The following ARF5 variants were observed in gnomAD, a reference collection of about 807,000 sequenced individuals.
ARF5 encodes ARF GTPase 5, also known as ADP-ribosylation factor 5.
ARF5 carries 10 observed loss-of-function variants against 24.8 expected under a neutral mutation model. That is an observed-to-expected ratio of 0.40 (90% confidence interval 0.25 to 0.68). The LOEUF is 0.68. Among genes scored for constraint, ARF5 ranks in the 30% least tolerant of loss-of-function variants. The pLI, the probability that ARF5 is intolerant of heterozygous loss-of-function variation, is 0.36. For missense variants in ARF5, 135 were observed against 239.2 expected (o/e 0.56, Z 2.87); for synonymous variants, 102 against 95.1 (o/e 1.07, Z -0.42).
At position 127,591,334 on chromosome 7, in the gene ARF5, C is replaced by G. The variant is rs2301566; in HGVS notation, c.*35C>G. ...GGCAGGCCCCTGATGCCCGGAAGCT[C>G]CTGCGTGCATCCCCGGGATGACCAG... On this transcript the variant is annotated 3_prime_UTR_variant, in exon 6 of 6. Transcript: ENST00000000233. 4,506 of 1,532,898 alleles carry G rather than the reference C, an allele frequency of 2.9e-3. 199 individuals are homozygous for G. The East Asian group carries it at 0.084, about 28-fold the overall frequency. The allele number at this position is 1,532,898 out of a possible 1,614,324, so 95.0% of individuals were successfully genotyped here. A position where few individuals can be genotyped will look rare whatever the true frequency, so the allele number is the denominator to read the frequency against.
intron 3 of ARF5, 36 bp from the exon 4 acceptor site, chr7:127,590,030 T>G (rs760689131): frequency 3.0e-5 from 47 of 1,571,108 alleles, no homozygotes; most frequent in Admixed American, 1.7e-5. Context: ...CAGGCAGAAG[T>G]GATTGCTTCT....
rs1794235840 is a variant in ARF5, at chr7:127,588,435, C to T, written c.-64C>T. On this transcript the variant is annotated 5_prime_UTR_variant, in exon 1 of 6. Coordinates refer to ENST00000000233, the MANE Select transcript of ARF5 (RefSeq NM_001662.4). ...CCTGCTGCTGCTGCGCCCCATCCCC[C>T]CGCGGCCGGCCAGTTCCAGCCCGCA... is the stretch of plus-strand genomic sequence containing the variant. 8.8e-7 allele frequency: 1 copy of T among 1,134,736 alleles called. No homozygotes were observed. The highest frequency in any genetic ancestry group is 1.1e-6 in the Non-Finnish European group (1 of 873,606). 70.3% of individuals were successfully genotyped at this position (1,134,736 alleles called of 1,614,324 possible). A position where few individuals can be genotyped will look rare whatever the true frequency, so the allele number is the denominator to read the frequency against.
At chr7:127,589,690 GA>G in intron 3 of ARF5, 96 bp downstream of exon 3, 2 of 976,694 alleles carry the variant, frequency 2.0e-6, no homozygotes, top group Non-Finnish European at 1.5e-6. Context: ...CCAGGCCAAG[GA>G]AAAAACCCTT....
At chr7:127,589,871 C>T (rs1192831758) in intron 3 of ARF5, 195 bp from the exon 4 acceptor site, 2 of 617,932 alleles carry the variant, frequency 3.2e-6, no homozygotes, top group Admixed American at 2.9e-5. Context: ...TAAACTACTT[C>T]CTCTTTGCAG....
At position 127,588,798 on chromosome 7, in the gene ARF5, C is replaced by T. The variant is rs973958360; in HGVS notation, c.67+233C>T. 9 of 568,052 alleles carry T rather than the reference C, an allele frequency of 1.6e-5. No homozygotes were observed. The Admixed American group carries it at 2.2e-4, about 14-fold the overall frequency. 35.2% of individuals were successfully genotyped at this position (568,052 alleles called of 1,614,324 possible). ...TGAAGCTCCCTCCGCCCCAGCCCGG[C>T]TGGTAAGAAGGGAGGATTCCGCCCT... On this transcript the variant is annotated intron_variant, in intron 1 of 5. Coordinates refer to ENST00000000233, the MANE Select transcript of ARF5 (RefSeq NM_001662.4).
Position 127,591,591 on chromosome 7 carries a change from T to C in ARF5, c.*292T>C, listed in dbSNP as rs1562954395. On this transcript the variant is annotated 3_prime_UTR_variant, in exon 6 of 6. Transcript: ENST00000000233. ...AGGGATCTGGGTTTCCTTTTTTTTT[T>C]CTGTTTTGGGTGTACTCTAGGGGCC... 3 of 380,918 alleles carry C rather than the reference T, an allele frequency of 7.9e-6. No individual in the cohort carries two copies. Among genetic ancestry groups the C allele is most frequent in the Non-Finnish European group, 1.4e-5 (3 of 211,536 alleles). The allele number at this position is 380,918 out of a possible 1,614,324, so 23.6% of individuals were successfully genotyped here.
rs1453862658 is a variant in ARF5 at position 127,588,448 on chromosome 7, G to C, written c.-51G>C. On this transcript the variant is annotated 5_prime_UTR_variant, in exon 1 of 6. Transcript: ENST00000000233. The stretch of plus-strand genomic sequence containing the variant: ...CGCCCCATCCCCCCGCGGCCGGCCA[G>C]TTCCAGCCCGCACCCCGCGTCGGTG... The C allele has an allele frequency of 1.6e-5, 21 of 1,338,348 alleles. No homozygotes were observed. Among genetic ancestry groups the C allele is most frequent in the Non-Finnish European group, 2.1e-5 (21 of 1,012,994 alleles). The allele number at this position is 1,338,348 out of a possible 1,614,324, so 82.9% of individuals were successfully genotyped here.
In ARF5 at chr7:127,591,464, C is replaced by G. The variant is rs898510483; in HGVS notation, c.*165C>G. 4.8e-6 allele frequency: 3 copies of G among 622,384 alleles called. No individual in the cohort carries two copies. Among genetic ancestry groups the G allele is most frequent in the African/African-American group, 3.8e-5 (2 of 52,052 alleles). 38.6% of individuals were successfully genotyped at this position (622,384 alleles called of 1,614,324 possible). A position where few individuals can be genotyped will look rare whatever the true frequency, so the allele number is the denominator to read the frequency against. ...CTGCATGTTCTCTCTGTTGTTGGAGCCTGGAGCCTTGCTCTCTGGGCACAG... is the reference window on the plus strand; with the variant it reads ...CTGCATGTTCTCTCTGTTGTTGGAGGCTGGAGCCTTGCTCTCTGGGCACAG... On this transcript the variant is annotated 3_prime_UTR_variant, in exon 6 of 6. Transcript: ENST00000000233.
At chr7:127,590,230 T>C in intron 4 of ARF5, 93 bp downstream of exon 4, 1 of 997,724 alleles carries the variant, frequency 1.0e-6, no homozygotes, top group Non-Finnish European at 1.6e-6. Flanking sequence ...CCAACAGGCA[T>C]TGAAGACCAG....
chr7:127,591,548 C>G lies in ARF5; in HGVS notation c.*249C>G, dbSNP rs1013798069. On this transcript the variant is annotated 3_prime_UTR_variant, in exon 6 of 6. Coordinates refer to ENST00000000233, the MANE Select transcript of ARF5 (RefSeq NM_001662.4). ...GAAGGGGCTTCCTGGCCAAGGCCCC[C>G]TCTTCCAGAGGAGGAGCAGGGATCT... 39 of 473,576 alleles carry G rather than the reference C, an allele frequency of 8.2e-5. No individual in the cohort carries two copies. The highest frequency in any genetic ancestry group is 1.2e-4 in the Admixed American group (3 of 24,496). 29.3% of individuals were successfully genotyped at this position (473,576 alleles called of 1,614,324 possible).
At chr7:127,590,675 G>C (rs963223169) in intron 4 of ARF5, among the ~76,000 whole-genome samples, 1 of 152,240 alleles carries the variant, frequency 6.6e-6, no homozygotes, top group East Asian at 1.9e-4. Context: ...AGTTGTGGGA[G>C]AGATGGGACT....
intron 1 of ARF5, 187 bp from the exon 2 acceptor site, chr7:127,588,896 C>T (rs903528119): frequency 1.3e-5 from 9 of 674,448 alleles, no homozygotes; most frequent in South Asian, 1.9e-5. Context: ...CCGCTCCGCG[C>T]CCTCTTTGGA....
chr7:127,590,001 G>C, intron 3 of ARF5, 65 bp from the exon 4 acceptor site: 2 of 1,371,060 alleles, frequency 1.5e-6, no homozygotes, highest in Admixed American at 3.4e-5. Context: ...AACAGAAAGG[G>C]CCACACTACG....
chr7:127,589,498 A>G lies in ARF5; in HGVS notation c.162A>G (p.Glu54=). ...AATTATCTGCAGGCTTCAATGTAGA[A>G]ACAGTGGAATATAAGAACATCTGTT... ...TTIPTIGFNV[E]TVEYKNICFT... is the part of the protein sequence containing the mutation. Residue 54 remains glutamate, a synonymous_variant, in exon 3 of 6, where the codon GAA becomes GAG. Transcript: ENST00000000233. 6.2e-7 allele frequency: 1 copy of G among 1,612,182 alleles called. No homozygotes were observed. Among genetic ancestry groups the G allele is most frequent in the Non-Finnish European group, 8.5e-7 (1 of 1,179,346 alleles).
In ARF5 at chr7:127,591,567, G is replaced by A. The variant is rs1485368272; in HGVS notation, c.*268G>A. On this transcript the variant is annotated 3_prime_UTR_variant, in exon 6 of 6. Coordinates refer to ENST00000000233, the MANE Select transcript of ARF5 (RefSeq NM_001662.4). ...GGCCCCCTCTTCCAGAGGAGGAGCA[G>A]GGATCTGGGTTTCCTTTTTTTTTTC... 12 of 458,028 alleles carry A rather than the reference G, an allele frequency of 2.6e-5. No individual in the cohort carries two copies. Among genetic ancestry groups the A allele is most frequent in the Non-Finnish European group, 3.8e-5 (10 of 260,560 alleles). The allele number at this position is 458,028 out of a possible 1,614,324, so 28.4% of individuals were successfully genotyped here. A position where few individuals can be genotyped will look rare whatever the true frequency, so the allele number is the denominator to read the frequency against.
Position 127,588,585 on chromosome 7 carries a change from C to T in ARF5, c.67+20C>T. 1 of 1,364,784 alleles carries T rather than the reference C, an allele frequency of 7.3e-7. No homozygotes were observed. Among genetic ancestry groups the T allele is most frequent in the Non-Finnish European group, 9.6e-7 (1 of 1,046,244 alleles). 84.5% of individuals were successfully genotyped at this position (1,364,784 alleles called of 1,614,324 possible). ...TCATGGGTGAGGCAGATCGAGCGCG[C>T]GGCCCGGACCGGGGCGCCGGCCCCG... On this transcript the variant is annotated intron_variant, in intron 1 of 5. Transcript: ENST00000000233.
intron 2 of ARF5, 95 bp downstream of exon 2, chr7:127,589,258 C>A: frequency 7.2e-7 from 1 of 1,395,472 alleles, no homozygotes; most frequent in Non-Finnish European, 1.0e-6. Flanking sequence ...CTGACCCTGA[C>A]ACCAGATACA....
At chr7:127,588,650 A>G in intron 1 of ARF5, 85 bp downstream of exon 1, 2 of 1,220,240 alleles carry the variant, frequency 1.6e-6, no homozygotes, top group South Asian at 2.6e-5. Flanking sequence ...AGCCCCGCTC[A>G]CCTGGGTCTC....
Position 127,591,562 on chromosome 7 carries a change from G to T in ARF5, c.*263G>T. The T allele has an allele frequency of 2.2e-6, 1 of 463,954 alleles. No individual in the cohort carries two copies. 28.7% of individuals were successfully genotyped at this position (463,954 alleles called of 1,614,324 possible). A position where few individuals can be genotyped will look rare whatever the true frequency, so the allele number is the denominator to read the frequency against. On this transcript the variant is annotated 3_prime_UTR_variant, in exon 6 of 6. Coordinates refer to ENST00000000233, the MANE Select transcript of ARF5 (RefSeq NM_001662.4). ...GCCAAGGCCCCCTCTTCCAGAGGAG[G>T]AGCAGGGATCTGGGTTTCCTTTTTT...
Sources: allele counts gnomAD v4.1 joint callset (sites outside exome capture counted in the v4.1 genomes callset), GRCh38; gene constraint gnomAD v4.1.1; transcripts MANE v1.5; gene names NCBI Gene and HGNC (gene_info 2026-07-23, HGNC 2026-07-21).